The following CA10 variants were observed in gnomAD, a reference collection of about 807,000 sequenced individuals.
CA10 encodes the protein carbonic anhydrase 10 (inactive), also known as carbonic anhydrase-related protein 10.
A neutral mutation model predicts 44.2 loss-of-function variants in CA10; 14 were observed. The observed-to-expected ratio is 0.32, with a 90% CI of 0.21 to 0.50. The LOEUF is 0.50. Ranked by LOEUF, CA10 falls within the 20% of genes least tolerant of loss-of-function variation. The probability of loss-of-function intolerance (pLI) is 0.99; values close to 1 mark genes in which losing one functional copy is unlikely to be tolerated. For missense variants in CA10, 350 were observed against 409.7 expected, an observed-to-expected ratio of 0.85 and a Z score of 1.26; for synonymous variants, 159 against 141.6, an observed-to-expected ratio of 1.12 and a Z score of -0.87.
At chr17:52,023,922 G>C (rs377357682) in intron 2 of CA10, among the ~76,000 whole-genome samples, 1 of 151,886 alleles carries the variant, frequency 6.6e-6, no homozygotes, top group East Asian at 1.9e-4. Flanking sequence ...TCTTTTAACA[G>C]TTTTACTATG....
intron 4 of CA10, among the ~76,000 whole-genome samples, chr17:51,697,149 C>G (rs910679245): frequency 6.6e-6 from 1 of 151,658 alleles, no homozygotes; most frequent in Non-Finnish European, 1.5e-5. Flanking sequence ...TGTACTATCT[C>G]CATGTGGGCA....
intron 7 of CA10, among the ~76,000 whole-genome samples, chr17:51,633,881 T>C (rs1398156341): frequency 6.6e-6 from 1 of 152,222 alleles, no homozygotes; most frequent in African/African-American, 2.4e-5. Context: ...TGTATGCCTC[T>C]GAACAAGTCA....
At chr17:52,054,856 G>A (rs1987181062) in intron 2 of CA10, among the ~76,000 whole-genome samples, 1 of 151,920 alleles carries the variant, frequency 6.6e-6, no homozygotes, top group African/African-American at 2.4e-5. Flanking sequence ...AGAGAGTAGG[G>A]GTAACAGATG....
intron 2 of CA10, among the ~76,000 whole-genome samples, chr17:51,961,582 G>A (rs530756132): frequency 3.3e-5 from 5 of 152,214 alleles, no homozygotes; most frequent in African/African-American, 1.2e-4. Flanking sequence ...ACCAAAGAGA[G>A]AAGTAGCAAA....
chr17:51,697,861 C>T (rs1915454392), intron 4 of CA10, among the ~76,000 whole-genome samples: 1 of 152,242 alleles, frequency 6.6e-6, no homozygotes, highest in Non-Finnish European at 1.5e-5. Context: ...ATACTTCATC[C>T]TGGAACTGTG....
intron 3 of CA10, among the ~76,000 whole-genome samples, chr17:51,753,486 A>T (rs1904964029): frequency 6.6e-6 from 1 of 152,174 alleles, no homozygotes; most frequent in Non-Finnish European, 1.5e-5. Flanking sequence ...AAGGTAGGAA[A>T]AATTTTCATT....
At chr17:52,144,435 T>C (rs763021550) in intron 1 of CA10, among the ~76,000 whole-genome samples, 64 of 152,340 alleles carry the variant, frequency 4.2e-4, no homozygotes, top group Non-Finnish European at 7.6e-4. Context: ...TGAGACCATA[T>C]GCCTACATTA....
intron 4 of CA10, among the ~76,000 whole-genome samples, chr17:51,665,286 G>A (rs1387281793): frequency 6.6e-6 from 1 of 151,742 alleles, no homozygotes; most frequent in Admixed American, 6.5e-5. Context: ...TGGATTGACT[G>A]TAGGGGATGA....
At chr17:52,086,178 G>A (rs1988112424) in intron 1 of CA10, among the ~76,000 whole-genome samples, 1 of 152,180 alleles carries the variant, frequency 6.6e-6, no homozygotes, top group Non-Finnish European at 1.5e-5. Context: ...AGGCTAAAGT[G>A]TATGCAATAT....
intron 1 of CA10, among the ~76,000 whole-genome samples, chr17:52,142,434 C>T (rs1409709085): frequency 3.3e-5 from 5 of 152,084 alleles, no homozygotes; most frequent in Non-Finnish European, 7.4e-5. Flanking sequence ...TTATTATGTG[C>T]CTGATAATAC....
chr17:51,748,495 T>A (rs1228197363), intron 3 of CA10: 2 of 985,486 alleles, frequency 2.0e-6, no homozygotes, highest in Non-Finnish European at 2.4e-6. Flanking sequence ...GCATTCCTTT[T>A]CCTTCTTTTC....
intron 2 of CA10, among the ~76,000 whole-genome samples, chr17:51,963,375 C>T (rs7502229): frequency 0.085 from 12,977 of 152,178 alleles, 548 homozygotes; most frequent in South Asian, 0.17. Flanking sequence ...CGTCCCTAAT[C>T]TTGCTAGAGA....
chr17:51,806,950 G>A (rs1358684032), intron 3 of CA10, among the ~76,000 whole-genome samples: 2 of 152,208 alleles, frequency 1.3e-5, no homozygotes, highest in Non-Finnish European at 2.9e-5. Flanking sequence ...CTTGTTGAAG[G>A]AAGCTAAGGA....
chr17:51,644,012 C>T (rs1913214747), intron 6 of CA10, among the ~76,000 whole-genome samples: 1 of 152,190 alleles, frequency 6.6e-6, no homozygotes. Context: ...CACTAGAACA[C>T]ACTGCCTCCC....
At chr17:51,633,754 A>G in intron 7 of CA10, 104 bp from the exon 8 acceptor site, 1 of 1,276,688 alleles carries the variant, frequency 7.8e-7, no homozygotes, top group African/African-American at 1.5e-5. Flanking sequence ...TATTGGCTGT[A>G]TGAGGAAAGG....
chr17:51,940,419 A>G (rs1983032646), intron 2 of CA10, among the ~76,000 whole-genome samples: 1 of 152,000 alleles, frequency 6.6e-6, no homozygotes, highest in African/African-American at 2.4e-5. Context: ...TAGTGATCCT[A>G]GGAACCCTTA....
intron 2 of CA10, among the ~76,000 whole-genome samples, chr17:51,971,237 C>T (rs1366418254): frequency 6.6e-6 from 1 of 152,058 alleles, no homozygotes; most frequent in Non-Finnish European, 1.5e-5. Flanking sequence ...TTTTTACAGG[C>T]ACCTCCGAGC....
chr17:51,675,229 G>T (rs1369238308), intron 4 of CA10, among the ~76,000 whole-genome samples: 1 of 152,150 alleles, frequency 6.6e-6, no homozygotes, highest in Non-Finnish European at 1.5e-5. Flanking sequence ...ATTCTGTATG[G>T]CCTGAGCAAT....
At chr17:52,097,198 G>A (rs370767720) in intron 1 of CA10, among the ~76,000 whole-genome samples, 2 of 152,016 alleles carry the variant, frequency 1.3e-5, no homozygotes, top group Non-Finnish European at 2.9e-5. Flanking sequence ...TCTCTCTAAA[G>A]TGGTTATAAC....
Sources: gnomAD v4.1 joint callset for allele counts (sites outside exome capture counted in the v4.1 genomes callset) on GRCh38, gnomAD v4.1.1 for gene constraint, MANE v1.5 for transcripts, NCBI Gene and HGNC (gene_info 2026-07-23, HGNC 2026-07-21) for gene names.